Variants in SLC35F5 observed in about 807,000 individuals in gnomAD.
SLC35F5 encodes the protein solute carrier family 35 member F5, also known as HCV NS5A-transactivated protein 3.
In SLC35F5, 54 loss-of-function variants were observed where a neutral mutation model predicts 68.6. That is an observed-to-expected ratio of 0.79 (90% confidence interval 0.63 to 0.99). The LOEUF is 0.99. Ranked by LOEUF, SLC35F5 falls within the 50% of genes least tolerant of loss-of-function variation. SLC35F5 has a pLI of 0.00. For missense variants in SLC35F5, 567 were observed against 626.9 expected (o/e 0.90, Z 1.02); for synonymous variants, 211 against 205.2 (o/e 1.03, Z -0.24).
chr2:113,718,882 AAAGAAAGAAAG>A (rs1687291548), intron 14 of SLC35F5, among the ~76,000 whole-genome samples: 1 of 51,900 alleles, frequency 1.9e-5, no homozygotes, highest in East Asian at 3.8e-4. Flanking sequence ...AGAAAGAAAG[AAAGAAAGAAAG>A]AAAGAAAGAA....
At chr2:113,717,361 A>C (rs562091961) in intron 15 of SLC35F5, 1 of 153,208 alleles carries the variant, frequency 6.5e-6, no homozygotes, top group African/African-American at 2.4e-5. Flanking sequence ...TTCTTTTATC[A>C]TCAGAGAAAA....
At chr2:113,745,302 C>T (rs182275910) in intron 5 of SLC35F5, among the ~76,000 whole-genome samples, 4 of 152,278 alleles carry the variant, frequency 2.6e-5, no homozygotes, top group Non-Finnish European at 5.9e-5. Flanking sequence ...TATTAACCTA[C>T]TCTGCATGCC....
chr2:113,718,621 C>A (rs1687268622), intron 14 of SLC35F5, among the ~76,000 whole-genome samples: 1 of 151,940 alleles, frequency 6.6e-6, no homozygotes, highest in Non-Finnish European at 1.5e-5. Flanking sequence ...CACGGTGAAA[C>A]CTGCCTCTAC....
intron 9 of SLC35F5, chr2:113,733,293 C>A: frequency 4.0e-6 from 1 of 252,458 alleles, no homozygotes. Context: ...GCTGACCCAA[C>A]ATAGTTTGCC....
downstream of SLC35F5, among the ~76,000 whole-genome samples, chr2:113,704,430 C>T (rs1686759147): frequency 6.6e-6 from 1 of 152,248 alleles, no homozygotes; most frequent in Non-Finnish European, 1.5e-5. Flanking sequence ...CCGCACTCCT[C>T]AGCCCTTGGG....
chr2:113,730,204 T>C lies in SLC35F5; in HGVS notation c.986-699A>G, dbSNP rs77110698. ...TTTTAATGTTCCAAAACAGCTAACA[T>C]AATACAGATCTCACAGTACATGAAT... is the stretch of plus-strand genomic sequence containing the variant. On this transcript the variant is annotated intron_variant, in intron 10 of 15. Coordinates refer to ENST00000245680, the MANE Select transcript of SLC35F5 (RefSeq NM_025181.5). Among the ~76,000 whole-genome samples the C allele has an allele frequency of 8.2e-3, 1,256 of 152,320 alleles. 14 individuals carry two copies. The highest frequency in any genetic ancestry group is 0.029 in the African/African-American group (1,201 of 41,562).
Position 113,729,518 on chromosome 2 carries a change from A to C in SLC35F5, c.986-13T>G, listed in dbSNP as rs576539824. On this transcript the variant is annotated splice_polypyrimidine_tract_variant and intron_variant, in intron 10 of 15. Transcript: ENST00000245680. ...GACCAAATGGAACCTGTAAAAATGGACATGATTTAAAGCAATCACTCATTA... is the reference window on the plus strand; with the variant it reads ...GACCAAATGGAACCTGTAAAAATGGCCATGATTTAAAGCAATCACTCATTA... The C allele has an allele frequency of 9.3e-5, 135 of 1,455,468 alleles. 2 individuals are homozygous for C. The South Asian group carries it at 1.4e-3, about 15-fold the overall frequency. 90.2% of individuals were successfully genotyped at this position (1,455,468 alleles called of 1,614,324 possible). A position where few individuals can be genotyped will look rare whatever the true frequency, so the allele number is the denominator to read the frequency against.
rs1277346092 is a variant in SLC35F5 at position 113,714,949 on chromosome 2, TGA to T, written c.*267_*268del. On this transcript the variant is annotated 3_prime_UTR_variant, in exon 16 of 16. Coordinates refer to ENST00000245680, the MANE Select transcript of SLC35F5 (RefSeq NM_025181.5). ...AAATGATTTCAACAGCTGAATTCCT[TGA>T]GATGTGTAAGGCAGGTTGGTCCTTT... The T allele has an allele frequency of 6.6e-6, 1 of 152,464 alleles. No individual in the cohort carries two copies. The highest frequency in any genetic ancestry group is 6.5e-5 in the Admixed American group (1 of 15,274). 9.4% of individuals were successfully genotyped at this position (152,464 alleles called of 1,614,324 possible).
intron 4 of SLC35F5, among the ~76,000 whole-genome samples, chr2:113,750,074 C>T (rs529454372): frequency 3.0e-4 from 45 of 152,238 alleles, no homozygotes; most frequent in Non-Finnish European, 5.3e-4. Context: ...CCAGAATCCA[C>T]CTAACAATTA....
intron 3 of SLC35F5, among the ~76,000 whole-genome samples, chr2:113,754,503 CT>C (rs1676887663): frequency 6.6e-6 from 1 of 151,862 alleles, no homozygotes; most frequent in African/African-American, 2.4e-5. Context: ...ATAAAAGTTG[CT>C]TTTTATAGGG....
chr2:113,710,951 T>A lies in SLC35F5; in HGVS notation c.*4267A>T, dbSNP rs772417355. Among the ~76,000 whole-genome samples, 4 of 152,208 alleles carry A rather than the reference T, an allele frequency of 2.6e-5. No individual in the cohort carries two copies. The highest frequency in any genetic ancestry group is 4.4e-5 in the Non-Finnish European group (3 of 68,038). Reference sequence around the variant, plus strand: ...ATCAAGTAGAGAAATACTGAATGCCTAGCATACAACGATCTAAGTGAAAGT... The same window carrying A: ...ATCAAGTAGAGAAATACTGAATGCCAAGCATACAACGATCTAAGTGAAAGT... On this transcript the variant is annotated 3_prime_UTR_variant, in exon 16 of 16. Transcript: ENST00000245680.
At chr2:113,715,647 T>C (rs757161669) in intron 15 of SLC35F5, among the ~76,000 whole-genome samples, 17 of 152,160 alleles carry the variant, frequency 1.1e-4, no homozygotes, top group Non-Finnish European at 2.2e-4. Flanking sequence ...AATTACAGCA[T>C]TAAAAAGCTT....
Position 113,713,187 on chromosome 2 carries a change from T to C in SLC35F5, c.*2031A>G, listed in dbSNP as rs1459140405. ...TACTTTCAGTTAACCAATTGAACAG[T>C]GGTGCTTCCTTCTGAAGAAGTTGTT... On this transcript the variant is annotated 3_prime_UTR_variant, in exon 16 of 16. Coordinates refer to ENST00000245680, the MANE Select transcript of SLC35F5 (RefSeq NM_025181.5). The C allele has an allele frequency of 6.6e-6, 1 of 152,202 alleles. No homozygotes were observed. The highest frequency in any genetic ancestry group is 2.4e-5 in the African/African-American group (1 of 41,450). 9.4% of individuals were successfully genotyped at this position (152,202 alleles called of 1,614,324 possible).
chr2:113,737,631 C>T (rs1364136069), intron 7 of SLC35F5, among the ~76,000 whole-genome samples: 1 of 152,128 alleles, frequency 6.6e-6, no homozygotes, highest in African/African-American at 2.4e-5. Context: ...TCCAAACAAC[C>T]TCACTGGTCC....
chr2:113,718,927 A>AAG (rs1182098254), intron 14 of SLC35F5, among the ~76,000 whole-genome samples: 972 of 44,496 alleles, frequency 0.022, 20 homozygotes, highest in Middle Eastern at 0.079. Context: ...GAAAGAAAGA[A>AAG]AAAGAAAGGA....
chr2:113,704,780 G>A (rs140605456), downstream of SLC35F5, among the ~76,000 whole-genome samples: 33 of 152,082 alleles, frequency 2.2e-4, no homozygotes, highest in African/African-American at 8.0e-4. Context: ...TCCCGCCCTC[G>A]CCTCTCCCTC....
intron 9 of SLC35F5, among the ~76,000 whole-genome samples, 174 bp from the exon 10 acceptor site, chr2:113,731,822 A>G (rs191743997): frequency 2.0e-4 from 30 of 152,346 alleles, no homozygotes; most frequent in Non-Finnish European, 3.4e-4. Context: ...ATATAGTGTT[A>G]TATTTGTATT....
At position 113,752,261 on chromosome 2, in the gene SLC35F5, T is replaced by TA. The variant is rs1426558726; in HGVS notation, c.274-1694dup. Reference sequence around the variant, plus strand: ...TTAATAAGGCCATATTAAAAAGACTTAAAGAATTCCAGCTAATAAATACAG... The same window carrying TA: ...TTAATAAGGCCATATTAAAAAGACTTAAAAGAATTCCAGCTAATAAATACAG... On this transcript the variant is annotated intron_variant, in intron 3 of 15. Coordinates refer to ENST00000245680, the MANE Select transcript of SLC35F5 (RefSeq NM_025181.5). Among the ~76,000 whole-genome samples the TA allele has an allele frequency of 9.2e-5, 14 of 151,412 alleles. 1 individual carries two copies. The highest frequency in any genetic ancestry group is 7.9e-4 in the Admixed American group (12 of 15,186).
intron 13 of SLC35F5, among the ~76,000 whole-genome samples, chr2:113,721,704 A>T (rs1687443487): frequency 6.6e-6 from 1 of 152,136 alleles, no homozygotes. Context: ...CAGGATTATG[A>T]CCTGAAGATG....
Sources: gnomAD v4.1 joint callset for allele counts (sites outside exome capture counted in the v4.1 genomes callset) on GRCh38, gnomAD v4.1.1 for gene constraint, MANE v1.5 for transcripts, NCBI Gene and HGNC (gene_info 2026-07-23, HGNC 2026-07-21) for gene names.